Variants in ZC3H3 observed in about 807,000 individuals in gnomAD.
ZC3H3 encodes the protein zinc finger CCCH-type containing 3, also known as zinc finger CCCH domain-containing protein 3.
Under a neutral mutation model 77.3 loss-of-function variants are expected in ZC3H3, and 36 were observed. That is an observed-to-expected ratio of 0.47 (90% CI 0.36 to 0.61). The LOEUF (loss-of-function observed/expected upper bound fraction) is 0.61, where lower values mean the gene tolerates loss of function less well. ZC3H3 is among the 20% of genes least tolerant of loss of function. ZC3H3 has a pLI of 0.00. For missense variants in ZC3H3, 1,331 were observed against 1,312.2 expected, an observed-to-expected ratio of 1.01 and a Z score of -0.22; for synonymous variants, 626 against 555.2, an observed-to-expected ratio of 1.13 and a Z score of -1.79.
rs1171962192 is a variant in ZC3H3 at position 143,474,111 on chromosome 8, A to T, written c.1903+1287T>A. 2.0e-5 allele frequency among the ~76,000 whole-genome samples: 3 copies of T among 152,092 alleles called. No homozygotes were observed. The East Asian group carries it at 5.8e-4, about 29-fold the overall frequency. Reference sequence around the variant, plus strand: ...TTCTGAGCCAGCTCCTGCACTGAGCACCCGGGGTGTAGCAGAGATGAGACC... The same window carrying T: ...TTCTGAGCCAGCTCCTGCACTGAGCTCCCGGGGTGTAGCAGAGATGAGACC... On this transcript the variant is annotated intron_variant, in intron 5 of 11. Transcript: ENST00000262577.
At chr8:143,443,517 C>T (rs575027267) in intron 9 of ZC3H3, among the ~76,000 whole-genome samples, 5 of 152,156 alleles carry the variant, frequency 3.3e-5, no homozygotes, top group South Asian at 2.1e-4. Context: ...TGTGGAACAG[C>T]GAAAACAGGG....
chr8:143,481,640 G>T (rs142947023), intron 4 of ZC3H3, among the ~76,000 whole-genome samples: 1 of 152,364 alleles, frequency 6.6e-6, no homozygotes, highest in Non-Finnish European at 1.5e-5. Flanking sequence ...GAGGGAAACT[G>T]AAGGCAGACA....
In ZC3H3 at chr8:143,440,158, C is replaced by A. The variant is rs776156498; in HGVS notation, c.2698G>T (p.Ala900Ser). ...APSLQEAALA[A>S]ACSNRLCKLP... is the part of the protein sequence containing the mutation. ...TTGCAGAGCCTGTTGGAGCACGCTG[C>A]TGCTAAGGCAGCCTCCTGGAGAGAT... The change falls in exon 11 of 12, where the codon GCA (alanine) becomes TCA (serine). Residue 900 changes from alanine (A) to serine (S), a missense_variant. This residue lies in a region of ZC3H3 where 249 missense variants were observed against 236.9 expected (regional missense o/e 1.05). Transcript: ENST00000262577. 6.2e-7 allele frequency: 1 copy of A among 1,612,058 alleles called. No homozygotes were observed. The highest frequency in any genetic ancestry group is 1.7e-5 in the Admixed American group (1 of 59,926).
At chr8:143,482,603 G>C (rs1015826737) in intron 4 of ZC3H3, among the ~76,000 whole-genome samples, 18 of 152,164 alleles carry the variant, frequency 1.2e-4, no homozygotes, top group Admixed American at 3.3e-4. Flanking sequence ...CAGGCAGCAA[G>C]GGCCAGGCGC....
At chr8:143,535,819 AGTAC>A (rs1300912779) in intron 3 of ZC3H3, among the ~76,000 whole-genome samples, 1 of 152,250 alleles carries the variant, frequency 6.6e-6, no homozygotes. Context: ...AAACTCACAC[AGTAC>A]CATGTGACAC....
chr8:143,471,909 C>T (rs547250500), intron 5 of ZC3H3, among the ~76,000 whole-genome samples: 3 of 152,350 alleles, frequency 2.0e-5, no homozygotes, highest in Admixed American at 1.3e-4. Context: ...TTCCTCATGG[C>T]GAGGCGGGGC....
intron 3 of ZC3H3, among the ~76,000 whole-genome samples, chr8:143,512,658 G>A (rs1480287282): frequency 6.6e-6 from 1 of 152,168 alleles, no homozygotes; most frequent in Admixed American, 6.5e-5. Context: ...CCCGGCCCCC[G>A]GACACAGCTC....
At chr8:143,465,081 G>C (rs1488863291) in intron 9 of ZC3H3, among the ~76,000 whole-genome samples, 2 of 152,100 alleles carry the variant, frequency 1.3e-5, no homozygotes, top group Non-Finnish European at 2.9e-5. Flanking sequence ...GAGCCTGTGA[G>C]TGCCTCTGCA....
In ZC3H3 at chr8:143,541,385, G is replaced by A. The variant is rs906031321; in HGVS notation, c.37C>T (p.Leu13=). 4 of 1,611,630 alleles carry A rather than the reference G, an allele frequency of 2.5e-6. No homozygotes were observed. Among genetic ancestry groups the A allele is most frequent in the South Asian group, 1.1e-5 (1 of 90,948 alleles). Residue 13 remains leucine (L), a synonymous_variant, in exon 1 of 12, where the codon CTA becomes TTA. Transcript: ENST00000262577. ...CCCCGGCCGGACCTACCCTGCAGTA[G>A]GCGGATCTGCCGCCGTAATATCTCC... is the stretch of plus-strand genomic sequence containing the variant. ...EKEILRRQIR[L]LQGLIDDYKT...
chr8:143,455,593 G>GA (rs1563837358), intron 9 of ZC3H3, among the ~76,000 whole-genome samples: 1 of 151,988 alleles, frequency 6.6e-6, no homozygotes, highest in African/African-American at 2.4e-5. Flanking sequence ...TGTGAAGAAA[G>GA]AAAAAAAGAA....
chr8:143,484,955 A>C (rs895424759), intron 4 of ZC3H3: 2 of 435,702 alleles, frequency 4.6e-6, no homozygotes, highest in Non-Finnish European at 9.1e-6. Flanking sequence ...TATCTGCAAA[A>C]ACCACGGGAA....
chr8:143,479,478 C>G (rs1032362662), intron 4 of ZC3H3, among the ~76,000 whole-genome samples: 1 of 152,204 alleles, frequency 6.6e-6, no homozygotes, highest in Non-Finnish European at 1.5e-5. Context: ...ATCTAAAGGC[C>G]TCTCCCATCC....
At position 143,438,048 on chromosome 8, in the gene ZC3H3, TG is replaced by T. The variant is rs1264964753; in HGVS notation, c.*7del. On this transcript the variant is annotated 3_prime_UTR_variant, in exon 12 of 12. Transcript: ENST00000262577. ...TCTGAGGTAGGTGCAGGCCGGTCCC[TG>T]GGGTCCTCACAGACGTGGTTTGATG... is the stretch of plus-strand genomic sequence containing the variant. The T allele has an allele frequency of 6.2e-7, 1 of 1,610,550 alleles. No homozygotes were observed. The highest frequency in any genetic ancestry group is 1.7e-5 in the Admixed American group (1 of 59,488).
intron 4 of ZC3H3, among the ~76,000 whole-genome samples, chr8:143,501,718 C>T (rs1474583671): frequency 9.9e-5 from 15 of 151,636 alleles, no homozygotes; most frequent in Non-Finnish European, 1.9e-4. Context: ...CCATCATGCC[C>T]GGCCCCGGGG....
intron 10 of ZC3H3, 98 bp from the exon 11 acceptor site, chr8:143,440,461 C>A: frequency 6.9e-7 from 1 of 1,449,712 alleles, no homozygotes; most frequent in Non-Finnish European, 9.0e-7. Flanking sequence ...GCTCCCGTGG[C>A]CCTCCGTGGT....
At chr8:143,463,826 G>A (rs913270035) in intron 9 of ZC3H3, among the ~76,000 whole-genome samples, 2 of 152,258 alleles carry the variant, frequency 1.3e-5, no homozygotes, top group Non-Finnish European at 2.9e-5. Context: ...TGATATCTAG[G>A]AGGGCAGGCG....
At chr8:143,469,052 C>T (rs1586894328) in intron 5 of ZC3H3, among the ~76,000 whole-genome samples, 1 of 152,242 alleles carries the variant, frequency 6.6e-6, no homozygotes, top group East Asian at 1.9e-4. Context: ...CCACGCTTTG[C>T]TGGCTGGAAC....
intron 5 of ZC3H3, among the ~76,000 whole-genome samples, chr8:143,469,619 G>C (rs568119058): frequency 6.6e-6 from 1 of 152,326 alleles, no homozygotes; most frequent in Admixed American, 6.5e-5. Context: ...GTGGCAGGAA[G>C]GAAATGGACC....
At chr8:143,525,125 C>T (rs148432051) in intron 3 of ZC3H3, among the ~76,000 whole-genome samples, 1 of 93,150 alleles carries the variant, frequency 1.1e-5, no homozygotes, top group East Asian at 4.5e-4. Context: ...TCGCACCTCG[C>T]CATCTCCAGC....
Sources: gnomAD v4.1 joint callset for allele counts (sites outside exome capture counted in the v4.1 genomes callset) on GRCh38, gnomAD v4.1.1 for gene constraint, gnomAD v4.1.1 regional missense constraint, MANE v1.5 for transcripts, NCBI Gene and HGNC (gene_info 2026-07-23, HGNC 2026-07-21) for gene names.